TAF3: variants seen among roughly 807,000 people sequenced by gnomAD.
The protein encoded by TAF3 is TATA-box binding protein associated factor 3.
A neutral mutation model predicts 80.6 loss-of-function variants in TAF3; 7 were observed. That is an observed-to-expected ratio of 0.09 (90% CI 0.05 to 0.16). TAF3 has a LOEUF of 0.16. Among genes scored for constraint, TAF3 ranks in the 10% least tolerant of loss-of-function variants. The pLI is 1.00. For missense variants in TAF3, 921 were observed against 1,140.2 expected (o/e 0.81, Z 2.77); for synonymous variants, 444 against 446.1 (o/e 1.00, Z 0.06).
At chr10:7,952,235 C>T (rs552206404) in intron 2 of TAF3, among the ~76,000 whole-genome samples, 3 of 152,034 alleles carry the variant, frequency 2.0e-5, no homozygotes, top group African/African-American at 4.8e-5. Context: ...TTGACATTGT[C>T]TGAAGAGATC....
chr10:8,003,470 T>C (rs947784484), intron 4 of TAF3, among the ~76,000 whole-genome samples: 1 of 152,214 alleles, frequency 6.6e-6, no homozygotes, highest in African/African-American at 2.4e-5. Flanking sequence ...TGAACCAGTA[T>C]TTTCCAAATG....
At chr10:7,947,478 G>T (rs1838036856) in intron 2 of TAF3, among the ~76,000 whole-genome samples, 1 of 152,348 alleles carries the variant, frequency 6.6e-6, no homozygotes, top group South Asian at 2.1e-4. Flanking sequence ...GAGTGCAGTG[G>T]CAATGAGGCC....
Position 8,014,700 on chromosome 10 carries a change from G to A in TAF3, c.2739G>A (p.Ala913=), listed in dbSNP as rs193077605. The change falls in exon 7 of 7, where the codon GCG becomes GCA. Residue 913 remains alanine (A), a synonymous_variant. Transcript: ENST00000344293. ...EEMQWFCPKC[A]NKKKDKKHKK... ...TGCAGTGGTTCTGCCCCAAGTGTGC[G>A]AACAAGAAGAAGGACAAAAAGCACA... 2.6e-4 allele frequency: 417 copies of A among 1,611,046 alleles called. 3 individuals are homozygous for A. In the African/African-American group the frequency reaches 4.7e-3, roughly 18 times the overall value.
At chr10:7,826,898 T>C (rs1051062361) in intron 2 of TAF3, among the ~76,000 whole-genome samples, 2 of 152,202 alleles carry the variant, frequency 1.3e-5, no homozygotes, top group Non-Finnish European at 2.9e-5. Flanking sequence ...GTATTCTGAT[T>C]AGTGGTGCAA....
At chr10:8,001,797 C>T (rs1432177651) in intron 4 of TAF3, among the ~76,000 whole-genome samples, 1 of 152,026 alleles carries the variant, frequency 6.6e-6, no homozygotes. Context: ...ACTATACCAT[C>T]CAACAAGTCA....
chr10:7,992,140 T>C (rs1327829338), intron 4 of TAF3, among the ~76,000 whole-genome samples: 1 of 152,226 alleles, frequency 6.6e-6, no homozygotes, highest in Admixed American at 6.5e-5. Context: ...TCAATTTCAT[T>C]TGGCTTTGCT....
chr10:7,825,655 C>T (rs567874561), intron 2 of TAF3, among the ~76,000 whole-genome samples: 4 of 152,272 alleles, frequency 2.6e-5, no homozygotes, highest in South Asian at 2.1e-4. Flanking sequence ...CATGTTGTAG[C>T]CTGTGTCGGG....
At chr10:7,934,176 A>G (rs375799007) in intron 2 of TAF3, among the ~76,000 whole-genome samples, 1 of 152,388 alleles carries the variant, frequency 6.6e-6, no homozygotes. Flanking sequence ...GGACTACCTT[A>G]ACCAACTTAC....
chr10:7,910,911 T>C (rs1837651643), intron 2 of TAF3, among the ~76,000 whole-genome samples: 1 of 152,196 alleles, frequency 6.6e-6, no homozygotes, highest in Non-Finnish European at 1.5e-5. Flanking sequence ...AAGAACAAAA[T>C]GCAAACAAAT....
At position 7,919,734 on chromosome 10, in the gene TAF3, A is replaced by G. The variant is rs138605789; in HGVS notation, c.410-44186A>G. Among the ~76,000 whole-genome samples, 568 of 152,268 alleles carry G rather than the reference A, an allele frequency of 3.7e-3. 4 individuals carry two copies. The highest frequency in any genetic ancestry group is 0.02 in the South Asian group (96 of 4,824). On this transcript the variant is annotated intron_variant, in intron 2 of 6. Coordinates refer to ENST00000344293, the MANE Select transcript of TAF3 (RefSeq NM_031923.4). ...ATACAGTATAAATGCTGTAGTCTTT[A>G]TACTGTTTTTATTGCTATTATTTTT...
intron 3 of TAF3, among the ~76,000 whole-genome samples, chr10:7,974,917 T>TA (rs901104319): frequency 4.0e-5 from 6 of 151,694 alleles, no homozygotes; most frequent in South Asian, 2.1e-4. Flanking sequence ...CTACTAAAAA[T>TA]ACAAAAATTA....
intron 2 of TAF3, among the ~76,000 whole-genome samples, chr10:7,898,271 GT>G (rs1292317675): frequency 3.9e-5 from 6 of 152,148 alleles, no homozygotes; most frequent in African/African-American, 1.4e-4. Context: ...CTTAGGCCGG[GT>G]GGGGTGGCTC....
intron 2 of TAF3, among the ~76,000 whole-genome samples, chr10:7,945,946 C>T (rs1287804726): frequency 6.6e-6 from 1 of 152,202 alleles, no homozygotes; most frequent in Non-Finnish European, 1.5e-5. Context: ...TCCGCATTGC[C>T]AGGCGGACAC....
intron 2 of TAF3, among the ~76,000 whole-genome samples, chr10:7,850,818 G>A (rs1361473790): frequency 6.6e-6 from 1 of 152,060 alleles, no homozygotes; most frequent in Non-Finnish European, 1.5e-5. Context: ...TTATTTTCCA[G>A]TTCGCCCAAA....
At chr10:7,908,154 A>C (rs543444783) in intron 2 of TAF3, among the ~76,000 whole-genome samples, 2 of 152,086 alleles carry the variant, frequency 1.3e-5, no homozygotes, top group Non-Finnish European at 2.9e-5. Flanking sequence ...TTGTGTGTAC[A>C]TAGACATGTA....
intron 2 of TAF3, among the ~76,000 whole-genome samples, chr10:7,861,533 A>G (rs891486439): frequency 6.6e-6 from 1 of 152,188 alleles, no homozygotes; most frequent in Non-Finnish European, 1.5e-5. Context: ...GAGACGTGAA[A>G]TCAGCCATTT....
intron 2 of TAF3, among the ~76,000 whole-genome samples, chr10:7,934,133 G>A (rs983346300): frequency 1.3e-5 from 2 of 152,180 alleles, no homozygotes; most frequent in African/African-American, 4.8e-5. Flanking sequence ...AAATCATTCG[G>A]AAGAATTAGA....
intron 4 of TAF3, among the ~76,000 whole-genome samples, chr10:7,998,682 T>C (rs922132438): frequency 6.6e-6 from 1 of 151,780 alleles, no homozygotes; most frequent in East Asian, 1.9e-4. Context: ...CTACTAAAAA[T>C]ACAGAAATCA....
intron 2 of TAF3, chr10:7,833,908 T>C (rs1836825530): frequency 7.0e-6 from 5 of 709,998 alleles, no homozygotes; most frequent in Middle Eastern, 5.0e-4. Flanking sequence ...CGCTGCACAG[T>C]GCGTGTGGAA....
Sources: allele counts gnomAD v4.1 joint callset (sites outside exome capture counted in the v4.1 genomes callset), GRCh38; gene constraint gnomAD v4.1.1; transcripts MANE v1.5; gene names NCBI Gene and HGNC (gene_info 2026-07-23, HGNC 2026-07-21).